The following FAM178B variants were observed in gnomAD, a reference collection of about 807,000 sequenced individuals.
FAM178B encodes the protein family with sequence similarity 178 member B.
In FAM178B, 82 loss-of-function variants were observed where a neutral mutation model predicts 91.7. The ratio of observed to expected loss-of-function variants is 0.89; its 90% CI spans 0.75 to 1.07. FAM178B has a LOEUF of 1.07. Ranked by LOEUF, FAM178B falls within the 50% of genes least tolerant of loss-of-function variation. The probability of loss-of-function intolerance (pLI) is 0.00; values close to 1 mark genes in which losing one functional copy is unlikely to be tolerated. For synonymous variants in FAM178B, 368 were observed against 359.4 expected, an observed-to-expected ratio of 1.02 and a Z score of -0.27; for missense variants, 769 against 846.7, an observed-to-expected ratio of 0.91 and a Z score of 1.14.
intron 14 of FAM178B, among the ~76,000 whole-genome samples, chr2:96,886,009 C>T (rs373617802): frequency 2.9e-5 from 4 of 140,200 alleles, no homozygotes; most frequent in South Asian, 2.6e-4. Flanking sequence ...CTTCTTGTCT[C>T]GCTTTTTCAC....
chr2:96,958,209 A>ACC (rs2082027862), intron 6 of FAM178B, among the ~76,000 whole-genome samples: 1 of 151,830 alleles, frequency 6.6e-6, no homozygotes, highest in Non-Finnish European at 1.5e-5. Context: ...AGCTGGGACT[A>ACC]CAGGCGCCCG....
At chr2:96,939,389 G>A (rs562612007) in intron 8 of FAM178B, among the ~76,000 whole-genome samples, 7 of 152,012 alleles carry the variant, frequency 4.6e-5, no homozygotes, top group South Asian at 2.1e-4. Flanking sequence ...CCAGCTACTC[G>A]GGAGGCTGAG....
chr2:96,910,188 C>T (rs929667287), intron 12 of FAM178B, among the ~76,000 whole-genome samples: 1 of 152,154 alleles, frequency 6.6e-6, no homozygotes, highest in African/African-American at 2.4e-5. Context: ...TGCTCCCAAG[C>T]CGGAATCCCC....
At chr2:96,950,380 A>G (rs1181036600) in intron 7 of FAM178B, among the ~76,000 whole-genome samples, 4 of 152,156 alleles carry the variant, frequency 2.6e-5, no homozygotes, top group African/African-American at 7.2e-5. Flanking sequence ...CAGAAGCTGC[A>G]TGTCTTCCTC....
rs1328851476 is a variant in FAM178B at position 96,929,291 on chromosome 2, G to A, written c.1108C>T (p.Leu370=). The part of the protein sequence containing the change: ...DEDKHLWCPS[L]QEVREAFHSL... ...TGGAATGCCTCCCTGACTTCTTGCAGTGAGGGGCACCACAGGTGCTTGTCT... is the reference window on the plus strand; with the variant it reads ...TGGAATGCCTCCCTGACTTCTTGCAATGAGGGGCACCACAGGTGCTTGTCT... Residue 370 remains leucine (L), a synonymous_variant, in exon 9 of 17, where the codon CTG becomes TTG. Transcript: ENST00000490605. 1.3e-6 allele frequency: 2 copies of A among 1,551,496 alleles called. No homozygotes were observed. Among genetic ancestry groups the A allele is most frequent in the Non-Finnish European group, 1.7e-6 (2 of 1,146,908 alleles).
chr2:96,936,571 A>G (rs12717786), intron 8 of FAM178B, among the ~76,000 whole-genome samples: 118,098 of 148,534 alleles, frequency 0.8, 47,961 homozygotes, highest in African/African-American at 0.9. Flanking sequence ...GTGCAATGGC[A>G]TGATCTTGGC....
rs984954853 is a variant in FAM178B, at chr2:96,985,328, A to C, written c.73+913T>G. 2.0e-5 allele frequency among the ~76,000 whole-genome samples: 3 copies of C among 152,090 alleles called. No homozygotes were observed. In the East Asian group the frequency reaches 5.8e-4, roughly 29 times the overall value. On this transcript the variant is annotated intron_variant, in intron 1 of 16. Transcript: ENST00000490605. ...TCTTGTTCAGCTCCTTGACTTGGCC[A>C]TGCTCACTCTACAATGCAGCCCATG...
intron 4 of FAM178B, 44 bp from the exon 5 acceptor site, chr2:96,967,671 C>G (rs1380392710): frequency 2.3e-5 from 31 of 1,358,154 alleles, no homozygotes; most frequent in Non-Finnish European, 3.0e-5. Context: ...GTGTTGTTCC[C>G]CATCGTGCAA....
chr2:96,951,510 G>T (rs759432443), intron 6 of FAM178B, 26 bp from the exon 7 acceptor site: 4 of 1,524,196 alleles, frequency 2.6e-6, no homozygotes, highest in Non-Finnish European at 2.7e-6. Flanking sequence ...CTGAGGTTAG[G>T]GGAGGCCTCT....
intron 10 of FAM178B, among the ~76,000 whole-genome samples, chr2:96,922,862 CG>C (rs1257494482): frequency 6.6e-6 from 1 of 151,704 alleles, no homozygotes; most frequent in Non-Finnish European, 1.5e-5. Context: ...TGTGTAGAGA[CG>C]GGGTTTTGCC....
chr2:96,923,483 G>A lies in FAM178B; in HGVS notation c.1287+7C>T, dbSNP rs1475780867. The A allele has an allele frequency of 1.3e-6, 2 of 1,549,920 alleles. No individual in the cohort carries two copies. The highest frequency in any genetic ancestry group is 1.7e-6 in the Non-Finnish European group (2 of 1,145,534). On this transcript the variant is annotated splice_region_variant and intron_variant, in intron 10 of 16. Transcript: ENST00000490605. ...GTGCCCTGCATGAGGCAGGCGGCTTGACTCACCTTGTAGATGTGGCCCAGG... is the reference window on the plus strand; with the variant it reads ...GTGCCCTGCATGAGGCAGGCGGCTTAACTCACCTTGTAGATGTGGCCCAGG...
At chr2:96,898,380 T>C (rs2080863062) in intron 13 of FAM178B, among the ~76,000 whole-genome samples, 1 of 151,768 alleles carries the variant, frequency 6.6e-6, no homozygotes, top group African/African-American at 2.4e-5. Context: ...CTAGGCGGGG[T>C]ACAGTGGCTT....
intron 8 of FAM178B, among the ~76,000 whole-genome samples, chr2:96,940,469 G>A (rs1372127338): frequency 6.6e-6 from 1 of 152,228 alleles, no homozygotes; most frequent in African/African-American, 2.4e-5. Flanking sequence ...GTGAAGAACA[G>A]AGAGTGTCAA....
chr2:96,909,268 G>A (rs2153369907), intron 12 of FAM178B, among the ~76,000 whole-genome samples: 1 of 152,192 alleles, frequency 6.6e-6, no homozygotes. Flanking sequence ...CTTCAGCAAA[G>A]GAAGTGCAGT....
At chr2:96,942,456 G>C (rs1022222797) in intron 8 of FAM178B, among the ~76,000 whole-genome samples, 9 of 152,124 alleles carry the variant, frequency 5.9e-5, no homozygotes, top group African/African-American at 2.2e-4. Context: ...GCAGTGGTGC[G>C]ATCTCGGCTC....
chr2:96,922,040 C>T (rs570835777), intron 10 of FAM178B, among the ~76,000 whole-genome samples: 2 of 152,118 alleles, frequency 1.3e-5, no homozygotes, highest in Non-Finnish European at 1.5e-5. Flanking sequence ...CCAGATACCA[C>T]CAAAACCAAG....
intron 13 of FAM178B, among the ~76,000 whole-genome samples, chr2:96,896,521 G>T (rs10182668): frequency 6.6e-6 from 1 of 151,852 alleles, no homozygotes; most frequent in African/African-American, 2.4e-5. Context: ...ACAAACACTC[G>T]GCCGCTTAGG....
In FAM178B at chr2:96,894,022, G is replaced by A. The variant is rs11677797; in HGVS notation, c.1680C>T (p.Leu560=). The stretch of plus-strand genomic sequence containing the variant: ...ATTGCCTGAGAGATGATGGCCTCAT[G>A]AGGCCCAGGAGCCGGCTGAGCGAGG... ...QLSSLSRLLG[L]MRPSSLRQYL... The change falls in exon 14 of 17, where the codon CTC becomes CTT. Residue 560 remains leucine, a synonymous_variant. Coordinates refer to ENST00000490605, the MANE Select transcript of FAM178B (RefSeq NM_001122646.3). 382,652 of 1,611,296 alleles carry A rather than the reference G, an allele frequency of 0.24. 63,168 individuals carry two copies. The highest frequency in any genetic ancestry group is 0.66 in the East Asian group (29,496 of 44,776).
rs1273572946 is a variant in FAM178B, at chr2:96,921,582, G to A, written c.1360C>T (p.Leu454=). The A allele has an allele frequency of 3.9e-6, 6 of 1,551,710 alleles. No individual in the cohort carries two copies. Among genetic ancestry groups the A allele is most frequent in the African/African-American group, 1.4e-5 (1 of 73,170 alleles). Residue 454 remains leucine (L), a synonymous_variant, in exon 11 of 17, where the codon CTG becomes TTG. Transcript: ENST00000490605. ...CCCACGTCCAGGCTGGTGCGGCACA[G>A]CAGCTCAATCAGTCCCATGAGGTTC... ...DENLMGLIEL[L]CRTSLDVGLR...
Sources: gnomAD v4.1 joint callset for allele counts (sites outside exome capture counted in the v4.1 genomes callset) on GRCh38, gnomAD v4.1.1 for gene constraint, MANE v1.5 for transcripts, NCBI Gene and HGNC (gene_info 2026-07-23, HGNC 2026-07-21) for gene names.